The following PTPRO variants were observed in gnomAD, a reference collection of about 807,000 sequenced individuals.
The protein encoded by PTPRO is receptor-type tyrosine-protein phosphatase O.
A neutral mutation model predicts 145.2 loss-of-function variants in PTPRO; 62 were observed. The observed-to-expected ratio is 0.43, with a 90% CI of 0.35 to 0.53. PTPRO has a LOEUF of 0.53. Ranked by LOEUF, PTPRO falls within the 20% of genes least tolerant of loss-of-function variation. The pLI, the probability that PTPRO is intolerant of heterozygous loss-of-function variation, is 0.01. For missense variants in PTPRO, 1,345 were observed against 1,482.7 expected, an observed-to-expected ratio of 0.91 and a Z score of 1.53; for synonymous variants, 565 against 514.7, an observed-to-expected ratio of 1.10 and a Z score of -1.32.
chr12:15,367,125 T>C (rs1280867604), intron 1 of PTPRO, among the ~76,000 whole-genome samples: 1 of 152,218 alleles, frequency 6.6e-6, no homozygotes, highest in African/African-American at 2.4e-5. Flanking sequence ...GCATCTACTT[T>C]AGACAAAGCA....
chr12:15,567,842 C>T (rs79076814), intron 18 of PTPRO, among the ~76,000 whole-genome samples: 6,873 of 152,218 alleles, frequency 0.045, 494 homozygotes, highest in African/African-American at 0.15. Flanking sequence ...GGGCTACTCA[C>T]TTAACTCTCT....
chr12:15,393,366 T>C (rs1462202796), intron 1 of PTPRO, among the ~76,000 whole-genome samples: 1 of 152,180 alleles, frequency 6.6e-6, no homozygotes, highest in Admixed American at 6.5e-5. Flanking sequence ...TTCCCACCTG[T>C]TTGTATAATT....
chr12:15,498,470 AT>A (rs1392812666), intron 3 of PTPRO, among the ~76,000 whole-genome samples: 2 of 152,178 alleles, frequency 1.3e-5, no homozygotes, highest in Non-Finnish European at 2.9e-5. Context: ...AGGCAGGAGA[AT>A]CCCTTGAACC....
intron 12 of PTPRO, among the ~76,000 whole-genome samples, chr12:15,536,168 C>G (rs1449369402): frequency 1.3e-5 from 2 of 152,026 alleles, no homozygotes; most frequent in African/African-American, 2.4e-5. Context: ...AAATGTCAAC[C>G]CTCATTCTAA....
chr12:15,456,175 A>T (rs1941172649), intron 1 of PTPRO, among the ~76,000 whole-genome samples: 1 of 152,180 alleles, frequency 6.6e-6, no homozygotes, highest in Non-Finnish European at 1.5e-5. Context: ...AATTTTTATC[A>T]TAAAAGGGTA....
At chr12:15,577,111 T>C (rs2135633631) in intron 19 of PTPRO, among the ~76,000 whole-genome samples, 1 of 152,330 alleles carries the variant, frequency 6.6e-6, no homozygotes, top group East Asian at 1.9e-4. Flanking sequence ...TAAATATATT[T>C]GGCAAGTAAG....
chr12:15,549,563 T>C (rs1178191260), intron 14 of PTPRO, among the ~76,000 whole-genome samples: 1 of 152,190 alleles, frequency 6.6e-6, no homozygotes, highest in African/African-American at 2.4e-5. Context: ...CTCTTATCAA[T>C]CCAATTTCAT....
rs543299762 is a variant in PTPRO, at chr12:15,510,575, C to T, written c.1464+1808C>T. On this transcript the variant is annotated intron_variant, in intron 7 of 26. Coordinates refer to ENST00000281171, the MANE Select transcript of PTPRO (RefSeq NM_030667.3). ...AAAGACTAGTCCAAATGTACTTTTA[C>T]AATATCTTCTCAAAATGCAAATAGG... Among the ~76,000 whole-genome samples, 22 of 152,214 alleles carry T rather than the reference C, an allele frequency of 1.4e-4. No homozygotes were observed. In the South Asian group the frequency reaches 1.7e-3, roughly 11 times the overall value.
At position 15,577,895 on chromosome 12, in the gene PTPRO, G is replaced by T. The variant is rs906059131; in HGVS notation, c.2830-958G>T. ...TGACCGTAATCCCCGTTTCCTGTAA[G>T]ACACATGGCATAGCAACTTAGAAAT... On this transcript the variant is annotated intron_variant, in intron 19 of 26. Coordinates refer to ENST00000281171, the MANE Select transcript of PTPRO (RefSeq NM_030667.3). 9.2e-5 allele frequency among the ~76,000 whole-genome samples: 14 copies of T among 152,256 alleles called. No homozygotes were observed. In the East Asian group the frequency reaches 2.7e-3, roughly 29 times the overall value.
intron 1 of PTPRO, among the ~76,000 whole-genome samples, chr12:15,386,836 C>T (rs1207448871): frequency 1.3e-5 from 2 of 152,258 alleles, no homozygotes; most frequent in East Asian, 3.9e-4. Flanking sequence ...GTCAGGCACT[C>T]GTCTATATCT....
intron 1 of PTPRO, among the ~76,000 whole-genome samples, chr12:15,459,313 C>T (rs538447715): frequency 2.0e-5 from 3 of 152,130 alleles, no homozygotes; most frequent in Admixed American, 6.5e-5. Flanking sequence ...TTAGTAGCTC[C>T]AGGTGTCTGG....
At chr12:15,539,431 A>AATCACT (rs1943133130) in intron 12 of PTPRO, among the ~76,000 whole-genome samples, 1 of 152,152 alleles carries the variant, frequency 6.6e-6, no homozygotes, top group African/African-American at 2.4e-5. Context: ...TGATTCACAG[A>AATCACT]AGAAGATATT....
intron 1 of PTPRO, among the ~76,000 whole-genome samples, chr12:15,419,443 A>G (rs1286804636): frequency 1.3e-5 from 2 of 151,536 alleles, no homozygotes; most frequent in Non-Finnish European, 2.9e-5. Flanking sequence ...GGTTCTTGGG[A>G]AAAAAATTTC....
chr12:15,443,658 CAAAT>C (rs1276097044), intron 1 of PTPRO, among the ~76,000 whole-genome samples: 8 of 151,942 alleles, frequency 5.3e-5, no homozygotes, highest in African/African-American at 1.4e-4. Context: ...AAGCAAAAAA[CAAAT>C]AATCCCATTA....
intron 10 of PTPRO, 27 bp downstream of exon 10, chr12:15,520,339 A>T: frequency 6.6e-7 from 1 of 1,520,720 alleles, no homozygotes; most frequent in Non-Finnish European, 9.1e-7. Flanking sequence ...GAACAGTTCC[A>T]CAAGGAGAGA....
At chr12:15,519,024 C>T (rs1183340671) in intron 9 of PTPRO, among the ~76,000 whole-genome samples, 1 of 152,174 alleles carries the variant, frequency 6.6e-6, no homozygotes, top group African/African-American at 2.4e-5. Context: ...TGTATTCATT[C>T]GTTTCCATGC....
At chr12:15,351,840 A>AT (rs1254001137) in intron 1 of PTPRO, among the ~76,000 whole-genome samples, 3 of 152,146 alleles carry the variant, frequency 2.0e-5, no homozygotes, top group African/African-American at 7.2e-5. Context: ...GCCAAAATGT[A>AT]TTTTTTTATT....
intron 1 of PTPRO, among the ~76,000 whole-genome samples, chr12:15,347,820 C>T (rs1318577173): frequency 6.6e-6 from 1 of 152,136 alleles, no homozygotes; most frequent in African/African-American, 2.4e-5. Context: ...TGGCCCCATG[C>T]AGGGCAGAGA....
intron 5 of PTPRO, among the ~76,000 whole-genome samples, chr12:15,503,297 A>C (rs1942257463): frequency 6.6e-6 from 1 of 152,130 alleles, no homozygotes; most frequent in African/African-American, 2.4e-5. Flanking sequence ...ACTTCAAATG[A>C]AGTAATAAGC....
Sources: allele counts gnomAD v4.1 joint callset (sites outside exome capture counted in the v4.1 genomes callset), GRCh38; gene constraint gnomAD v4.1.1; transcripts MANE v1.5; gene names NCBI Gene and HGNC (gene_info 2026-07-23, HGNC 2026-07-21).